The following AUTS2 variants were observed in gnomAD, a reference collection of about 807,000 sequenced individuals.
AUTS2 encodes activator of transcription and developmental regulator AUTS2.
A neutral mutation model predicts 112.4 loss-of-function variants in AUTS2; 17 were observed. The observed-to-expected ratio is 0.15, with a 90% CI of 0.10 to 0.23. AUTS2 has a LOEUF of 0.23. Among genes scored for constraint, AUTS2 ranks in the 10% least tolerant of loss-of-function variants. The probability of loss-of-function intolerance (pLI) is 1.00; values close to 1 mark genes in which losing one functional copy is unlikely to be tolerated. For synonymous variants in AUTS2, 751 were observed against 702.7 expected (o/e 1.07, Z -1.09); for missense variants, 1,510 against 1,701.6 (o/e 0.89, Z 1.98).
At chr7:70,660,422 G>C (rs1048745183) in intron 5 of AUTS2, among the ~76,000 whole-genome samples, 2 of 152,226 alleles carry the variant, frequency 1.3e-5, no homozygotes, top group African/African-American at 4.8e-5. Context: ...TCCGTGCACA[G>C]CTTCTCAAAG....
chr7:70,435,610 C>A, intron 4 of AUTS2, 142 bp from the exon 5 acceptor site: 6 of 820,134 alleles, frequency 7.3e-6, no homozygotes, highest in Middle Eastern at 4.6e-4. Flanking sequence ...TGGAGAAACT[C>A]TTTCTTTCCA....
At chr7:69,817,936 C>T (rs945444917) in intron 1 of AUTS2, among the ~76,000 whole-genome samples, 2 of 152,206 alleles carry the variant, frequency 1.3e-5, no homozygotes, top group African/African-American at 4.8e-5. Context: ...GAGAGACCCA[C>T]AGCATGGATG....
At chr7:69,991,876 A>AT (rs1184447001) in intron 2 of AUTS2, among the ~76,000 whole-genome samples, 19 of 152,020 alleles carry the variant, frequency 1.2e-4, no homozygotes, top group African/African-American at 1.9e-4. Context: ...ATTCTAAGAC[A>AT]TTTTTTTTGT....
Position 70,682,998 on chromosome 7 carries a change from T to C in AUTS2, c.691-15571T>C, listed in dbSNP as rs76695485. Among the ~76,000 whole-genome samples, 727 of 152,338 alleles carry C rather than the reference T, an allele frequency of 4.8e-3. 5 individuals carry two copies. Among genetic ancestry groups the C allele is most frequent in the African/African-American group, 0.017 (696 of 41,578 alleles). On this transcript the variant is annotated intron_variant, in intron 5 of 18. Coordinates refer to ENST00000342771, the MANE Select transcript of AUTS2 (RefSeq NM_015570.4). ...GGGCCCAAACTCTGAATCTCCAGCA[T>C]ATCACTTCCTCCTCATTCTATTCAT...
At chr7:70,541,242 T>C (rs1306247761) in intron 5 of AUTS2, among the ~76,000 whole-genome samples, 1 of 152,186 alleles carries the variant, frequency 6.6e-6, no homozygotes, top group East Asian at 1.9e-4. Context: ...TGTTCTGATT[T>C]GTTGTTCTGT....
intron 1 of AUTS2, among the ~76,000 whole-genome samples, chr7:69,845,563 G>A (rs1792159796): frequency 6.6e-6 from 1 of 152,172 alleles, no homozygotes. Context: ...TGGTTTGTAA[G>A]TGACTACGAT....
chr7:69,979,949 GAGTA>G (rs769964806), intron 2 of AUTS2, among the ~76,000 whole-genome samples: 3 of 152,146 alleles, frequency 2.0e-5, no homozygotes, highest in Admixed American at 6.5e-5. Context: ...GTTTTTGTGT[GAGTA>G]AGTAAGAGAA....
chr7:70,616,753 GTTTTTT>G (rs67691820), intron 5 of AUTS2, among the ~76,000 whole-genome samples: 19 of 131,304 alleles, frequency 1.4e-4, no homozygotes, highest in Non-Finnish European at 2.5e-4. Context: ...GTGTCGAATA[GTTTTTT>G]TTTTTTTTTT....
chr7:69,619,051 G>T lies in AUTS2; in HGVS notation c.309+19089G>T, dbSNP rs75406279. ...CCTGCTGTTTGGAGGGTTGTGTTTG[G>T]TTTTTCTTCACTGGGTTCTCAGATG... is the stretch of plus-strand genomic sequence containing the variant. On this transcript the variant is annotated intron_variant, in intron 1 of 18. Coordinates refer to ENST00000342771, the MANE Select transcript of AUTS2 (RefSeq NM_015570.4). 2.9e-3 allele frequency among the ~76,000 whole-genome samples: 444 copies of T among 152,280 alleles called. 5 individuals are homozygous for T. Among genetic ancestry groups the T allele is most frequent in the African/African-American group, 0.01 (429 of 41,564 alleles).
chr7:70,037,622 T>C (rs1217289691), intron 2 of AUTS2, among the ~76,000 whole-genome samples: 1 of 152,166 alleles, frequency 6.6e-6, no homozygotes, highest in Non-Finnish European at 1.5e-5. Context: ...CTTTTACAAA[T>C]TGTGAGCTGG....
chr7:70,571,911 C>T (rs1429948755), intron 5 of AUTS2, among the ~76,000 whole-genome samples: 5 of 152,134 alleles, frequency 3.3e-5, no homozygotes, highest in East Asian at 3.9e-4. Flanking sequence ...GTTAGGGGAA[C>T]GATCCAGTCC....
intron 1 of AUTS2, among the ~76,000 whole-genome samples, chr7:69,619,684 G>A (rs919767392): frequency 1.3e-5 from 2 of 152,064 alleles, no homozygotes; most frequent in African/African-American, 4.8e-5. Flanking sequence ...ATCCCCGTCT[G>A]CCCACTCATT....
At chr7:70,445,973 C>T (rs1218016194) in intron 5 of AUTS2, among the ~76,000 whole-genome samples, 9 of 152,198 alleles carry the variant, frequency 5.9e-5, no homozygotes, top group African/African-American at 2.2e-4. Flanking sequence ...GCTTCCAGTC[C>T]AGAGCCTCAT....
chr7:70,694,392 A>T lies in AUTS2; in HGVS notation c.691-4177A>T, dbSNP rs1808941152. The T allele has an allele frequency of 6.9e-6, 1 of 144,204 alleles. No homozygotes were observed. The highest frequency in any genetic ancestry group is 2.6e-5 in the African/African-American group (1 of 38,944). 8.9% of individuals were successfully genotyped at this position (144,204 alleles called of 1,614,324 possible). A position where few individuals can be genotyped will look rare whatever the true frequency, so the allele number is the denominator to read the frequency against. On this transcript the variant is annotated intron_variant, in intron 5 of 18. Coordinates refer to ENST00000342771, the MANE Select transcript of AUTS2 (RefSeq NM_015570.4). This position sits in a 1 kb window ranked among gnomAD's most constrained non-coding sequence, Gnocchi z 4.1. ...GACTCCCGGAGCGGCTCCCTCCAGC[A>T]CCGCGGCGGGCCCAGGACCAGGCAG...
At chr7:69,695,270 C>T (rs964475324) in intron 1 of AUTS2, among the ~76,000 whole-genome samples, 1 of 151,964 alleles carries the variant, frequency 6.6e-6, no homozygotes, top group Non-Finnish European at 1.5e-5. Context: ...TCAAGGCCGC[C>T]GTGAACTGTG....
At chr7:69,728,773 C>T (rs1250137867) in intron 1 of AUTS2, among the ~76,000 whole-genome samples, 5 of 149,936 alleles carry the variant, frequency 3.3e-5, no homozygotes, top group African/African-American at 1.2e-4. Context: ...CTGAAATACA[C>T]GTTCCCTAAA....
intron 1 of AUTS2, among the ~76,000 whole-genome samples, chr7:69,845,857 ACTC>A (rs1792172794): frequency 6.6e-6 from 1 of 151,868 alleles, no homozygotes; most frequent in Admixed American, 6.6e-5. Context: ...AGTCAGCACA[ACTC>A]CTGGGATGCA....
intron 1 of AUTS2, among the ~76,000 whole-genome samples, chr7:69,817,791 C>T (rs1404736999): frequency 2.0e-5 from 3 of 152,106 alleles, no homozygotes; most frequent in Non-Finnish European, 4.4e-5. Context: ...AGGTGCTGTC[C>T]CCTCCTGCAT....
intron 2 of AUTS2, among the ~76,000 whole-genome samples, chr7:70,072,812 A>G (rs1177992859): frequency 6.6e-6 from 1 of 152,012 alleles, no homozygotes; most frequent in Non-Finnish European, 1.5e-5. Context: ...TGTTATCTCC[A>G]TTGTCTCTTT....
Sources: gnomAD v4.1 joint callset for allele counts (sites outside exome capture counted in the v4.1 genomes callset) on GRCh38, gnomAD v4.1.1 for gene constraint, Gnocchi (gnomAD v3.1) non-coding constraint, MANE v1.5 for transcripts, NCBI Gene and HGNC (gene_info 2026-07-23, HGNC 2026-07-21) for gene names.